Variants in SORCS3 observed in about 807,000 individuals in gnomAD.
SORCS3 encodes VPS10 domain-containing receptor SorCS3.
Under a neutral mutation model 146.3 loss-of-function variants are expected in SORCS3, and 57 were observed. That is an observed-to-expected ratio of 0.39 (90% CI 0.31 to 0.49). The LOEUF is 0.49. Ranked by LOEUF, SORCS3 falls within the 20% of genes least tolerant of loss-of-function variation. SORCS3 has a pLI of 0.92. For missense variants in SORCS3, 1,341 were observed against 1,575.5 expected, an observed-to-expected ratio of 0.85 and a Z score of 2.52; for synonymous variants, 653 against 618.5, an observed-to-expected ratio of 1.06 and a Z score of -0.83.
chr10:104,937,336 T>G (rs2133615307), intron 3 of SORCS3, among the ~76,000 whole-genome samples: 1 of 152,338 alleles, frequency 6.6e-6, no homozygotes, highest in South Asian at 2.1e-4. Flanking sequence ...TCAATGGTTT[T>G]TATGCATTCC....
intron 7 of SORCS3, among the ~76,000 whole-genome samples, chr10:105,134,570 A>G (rs79361575): frequency 6.6e-6 from 1 of 150,998 alleles, no homozygotes; most frequent in Admixed American, 6.6e-5. Context: ...AAAAAAAAAA[A>G]AGAAGCCTAG....
intron 14 of SORCS3, among the ~76,000 whole-genome samples, chr10:105,193,863 A>C (rs1023483022): frequency 1.3e-5 from 2 of 152,142 alleles, no homozygotes; most frequent in Non-Finnish European, 2.9e-5. Context: ...TCATGTTAGC[A>C]GTGTAGGCAT....
intron 5 of SORCS3, among the ~76,000 whole-genome samples, chr10:105,059,181 A>G (rs1167171486): frequency 6.6e-6 from 1 of 152,116 alleles, no homozygotes; most frequent in Non-Finnish European, 1.5e-5. Context: ...CCCTTTGAGT[A>G]GTACAAACTG....
intron 9 of SORCS3, among the ~76,000 whole-genome samples, chr10:105,154,773 A>G (rs528260744): frequency 6.6e-6 from 1 of 152,320 alleles, no homozygotes; most frequent in African/African-American, 2.4e-5. Context: ...GTACACATAC[A>G]TGCATATATG....
At chr10:105,089,203 C>T (rs773317737) in intron 5 of SORCS3, among the ~76,000 whole-genome samples, 6 of 152,152 alleles carry the variant, frequency 3.9e-5, no homozygotes, top group Non-Finnish European at 8.8e-5. Context: ...CCGTGTCAGA[C>T]CAGATTTTGA....
At chr10:105,067,921 C>T (rs2133723515) in intron 5 of SORCS3, among the ~76,000 whole-genome samples, 1 of 152,064 alleles carries the variant, frequency 6.6e-6, no homozygotes, top group African/African-American at 2.4e-5. Context: ...GTCAGTGTTT[C>T]CAGGATGCTC....
intron 1 of SORCS3, among the ~76,000 whole-genome samples, chr10:104,751,753 C>T (rs1443946075): frequency 1.3e-5 from 2 of 151,338 alleles, no homozygotes; most frequent in African/African-American, 4.8e-5. Context: ...ATTTATAGCT[C>T]TGTGTCTGCT....
chr10:104,798,170 C>T (rs1375265482), intron 1 of SORCS3, among the ~76,000 whole-genome samples: 4 of 152,168 alleles, frequency 2.6e-5, no homozygotes, highest in East Asian at 3.9e-4. Context: ...TCCTTTGATA[C>T]AGGATATTAG....
intron 5 of SORCS3, among the ~76,000 whole-genome samples, chr10:105,048,914 C>A (rs2133709023): frequency 6.6e-6 from 1 of 152,106 alleles, no homozygotes. Context: ...ATCTTTATAA[C>A]CATTTTTAAT....
chr10:104,963,190 A>G (rs2054805940), intron 3 of SORCS3, among the ~76,000 whole-genome samples: 1 of 152,170 alleles, frequency 6.6e-6, no homozygotes, highest in African/African-American at 2.4e-5. Flanking sequence ...CTAGAAGACA[A>G]TTTACAGGGT....
intron 5 of SORCS3, among the ~76,000 whole-genome samples, chr10:105,060,050 C>T (rs925898336): frequency 6.6e-6 from 1 of 152,122 alleles, no homozygotes; most frequent in Non-Finnish European, 1.5e-5. Flanking sequence ...ATGGCTGATA[C>T]AAAGGATTGT....
chr10:105,222,799 T>G (rs2056711816), intron 19 of SORCS3, among the ~76,000 whole-genome samples: 2 of 152,228 alleles, frequency 1.3e-5, no homozygotes, highest in Admixed American at 1.3e-4. Flanking sequence ...GCTGTTTATC[T>G]TCCCATTTAT....
Position 105,244,036 on chromosome 10 carries a change from G to A in SORCS3, c.2869-1506G>A, listed in dbSNP as rs536711967. Among the ~76,000 whole-genome samples, 12 of 152,208 alleles carry A rather than the reference G, an allele frequency of 7.9e-5. No individual in the cohort carries two copies. In the East Asian group the frequency reaches 1.5e-3, roughly 20 times the overall value. Reference sequence around the variant, plus strand: ...CATTGCTACTCTCCATCCTGCTGTCGTCCTGACACAAAGAGAGGAGAGAGA... The same window carrying A: ...CATTGCTACTCTCCATCCTGCTGTCATCCTGACACAAAGAGAGGAGAGAGA... On this transcript the variant is annotated intron_variant, in intron 20 of 26. Coordinates refer to ENST00000369701, the MANE Select transcript of SORCS3 (RefSeq NM_014978.3).
rs117434447 is a variant in SORCS3 at position 104,888,919 on chromosome 10, G to A, written c.696-26914G>A. On this transcript the variant is annotated intron_variant, in intron 2 of 26. Coordinates refer to ENST00000369701, the MANE Select transcript of SORCS3 (RefSeq NM_014978.3). ...ATCCAATTGTTTTAAAATTATTACCGTTGAATATTAGCCCTACCTATTCCC... is the reference window on the plus strand; with the variant it reads ...ATCCAATTGTTTTAAAATTATTACCATTGAATATTAGCCCTACCTATTCCC... Among the ~76,000 whole-genome samples the A allele has an allele frequency of 1.8e-3, 278 of 152,262 alleles. 1 individual carries two copies. The highest frequency in any genetic ancestry group is 0.016 in the Admixed American group (249 of 15,290).
chr10:104,644,633 G>A (rs774422399), intron 1 of SORCS3, among the ~76,000 whole-genome samples: 7 of 152,188 alleles, frequency 4.6e-5, no homozygotes, highest in Non-Finnish European at 7.4e-5. Context: ...GGAGATGTCC[G>A]TAAAACAGAG....
At chr10:105,189,189 TG>T (rs2056497887) in intron 14 of SORCS3, among the ~76,000 whole-genome samples, 1 of 152,206 alleles carries the variant, frequency 6.6e-6, no homozygotes, top group Non-Finnish European at 1.5e-5. Context: ...CTCAGCTTGC[TG>T]GCTACCCATG....
chr10:105,151,321 T>C (rs1417292704), intron 9 of SORCS3, among the ~76,000 whole-genome samples: 1 of 152,188 alleles, frequency 6.6e-6, no homozygotes, highest in Non-Finnish European at 1.5e-5. Context: ...AATATACTGG[T>C]AAAAAGCTGA....
intron 20 of SORCS3, among the ~76,000 whole-genome samples, chr10:105,232,435 C>G (rs1451646892): frequency 6.6e-6 from 1 of 151,874 alleles, no homozygotes; most frequent in African/African-American, 2.4e-5. Context: ...TCTCTTTTTT[C>G]TTAATTAGCC....
chr10:105,063,303 C>T (rs1021351146), intron 5 of SORCS3, among the ~76,000 whole-genome samples: 1 of 152,136 alleles, frequency 6.6e-6, no homozygotes, highest in Non-Finnish European at 1.5e-5. Context: ...GTGCTGGTTT[C>T]TAAGACATCT....
Sources: gnomAD v4.1 joint callset for allele counts (sites outside exome capture counted in the v4.1 genomes callset) on GRCh38, gnomAD v4.1.1 for gene constraint, MANE v1.5 for transcripts, NCBI Gene and HGNC (gene_info 2026-07-23, HGNC 2026-07-21) for gene names.